The following CNN3 variants were observed in gnomAD, a reference collection of about 807,000 sequenced individuals.
CNN3 encodes calponin-3.
CNN3 carries 11 observed loss-of-function variants against 39.0 expected under a neutral mutation model. The observed-to-expected ratio is 0.28, with a 90% CI of 0.18 to 0.47. The LOEUF (loss-of-function observed/expected upper bound fraction) is 0.47. Ranked by LOEUF, CNN3 falls within the 20% of genes least tolerant of loss-of-function variation. CNN3 has a pLI of 0.99. For synonymous variants in CNN3, 101 were observed against 138.3 expected (o/e 0.73, Z 1.89); for missense variants, 266 against 403.4 (o/e 0.66, Z 2.92).
At chr1:94,898,320 A>G (rs1034213808) in intron 6 of CNN3, among the ~76,000 whole-genome samples, 2 of 152,146 alleles carry the variant, frequency 1.3e-5, no homozygotes, top group African/African-American at 4.8e-5. Context: ...TCTGCTATAA[A>G]ATTACTATGT....
chr1:94,899,298 C>A, intron 6 of CNN3, 73 bp downstream of exon 6: 1 of 1,450,678 alleles, frequency 6.9e-7, no homozygotes, highest in Non-Finnish European at 9.2e-7. Context: ...ACAAAAAATA[C>A]CTACTTTAAA....
Position 94,898,010 on chromosome 1 carries a change from G to C in CNN3, c.722C>G (p.Ser241Trp), listed in dbSNP as rs768694788. ...QKLTLQPVDN[S>W]TISLQMGTNK... The stretch of plus-strand genomic sequence containing the variant: ...GGTACCCATCTGTAGGGAAATTGTC[G>C]AGTTGTCCACCGGCTGTAATGTTAG... Residue 241 changes from serine to tryptophan, a missense_variant, in exon 7 of 7, where the codon TCG (serine) becomes TGG (tryptophan). Ser to Trp is a radical substitution (Grantham distance 177). Coordinates refer to ENST00000370206, the MANE Select transcript of CNN3 (RefSeq NM_001839.5). 3 of 1,614,032 alleles carry C rather than the reference G, an allele frequency of 1.9e-6. No individual in the cohort carries two copies. The highest frequency in any genetic ancestry group is 2.5e-6 in the Non-Finnish European group (3 of 1,179,982).
At chr1:94,912,840 A>G (rs1222503975) in intron 1 of CNN3, among the ~76,000 whole-genome samples, 1 of 152,216 alleles carries the variant, frequency 6.6e-6, no homozygotes, top group African/African-American at 2.4e-5. Flanking sequence ...TAATTGCATT[A>G]CTTTCTCATA....
Position 94,902,196 on chromosome 1 carries a change from T to A in CNN3, c.309A>T (p.Ile103=), listed in dbSNP as rs1290941392. The change falls in exon 4 of 7, where the codon ATA becomes ATT. Residue 103 remains isoleucine, a synonymous_variant. Transcript: ENST00000370206. ...IQAYGMKPHD[I]FEANDLFENG... ...TCTCAAAAAGATCATTTGCTTCGAA[T>A]ATGTCATGTGGCTTCATACCATAAG... 16 of 1,613,508 alleles carry A rather than the reference T, an allele frequency of 9.9e-6. No individual in the cohort carries two copies. Among genetic ancestry groups the A allele is most frequent in the Admixed American group, 1.7e-5 (1 of 60,026 alleles).
intron 1 of CNN3, among the ~76,000 whole-genome samples, chr1:94,918,579 A>AGCGCATT (rs1230013646): frequency 6.6e-6 from 1 of 151,602 alleles, no homozygotes; most frequent in Admixed American, 6.6e-5. Flanking sequence ...TTAGTTCCAA[A>AGCGCATT]GCGCATTGCC....
rs538971645 is a variant in CNN3 at position 94,910,400 on chromosome 1, T to A, written c.58-6876A>T. On this transcript the variant is annotated intron_variant, in intron 1 of 6. Transcript: ENST00000370206. Reference sequence around the variant, plus strand: ...ACAAAAATATATATAAAATAGGGTGTTTAAAATAAAGAGAGAACAATGGGG... The same window carrying A: ...ACAAAAATATATATAAAATAGGGTGATTAAAATAAAGAGAGAACAATGGGG... 4.6e-5 allele frequency among the ~76,000 whole-genome samples: 7 copies of A among 152,194 alleles called. No individual in the cohort carries two copies. The East Asian group carries it at 1.4e-3, about 29-fold the overall frequency.
chr1:94,901,875 C>A, intron 4 of CNN3, 90 bp from the exon 5 acceptor site: 1 of 891,750 alleles, frequency 1.1e-6, no homozygotes, highest in Non-Finnish European at 1.8e-6. Flanking sequence ...GACAAAGGGG[C>A]CCAAACTAGA....
chr1:94,917,531 C>T (rs1413925484), intron 1 of CNN3, among the ~76,000 whole-genome samples: 1 of 152,108 alleles, frequency 6.6e-6, no homozygotes, highest in Non-Finnish European at 1.5e-5. Context: ...TCAAAAGATC[C>T]TCCTCCTCTT....
chr1:94,925,522 C>A (rs1671552241), intron 1 of CNN3: 1 of 820,088 alleles, frequency 1.2e-6, no homozygotes, highest in Non-Finnish European at 1.5e-6. Context: ...ACTTTAGATA[C>A]ATAGACTAAA....
chr1:94,918,685 G>C (rs1277383621), intron 1 of CNN3, among the ~76,000 whole-genome samples: 1 of 151,856 alleles, frequency 6.6e-6, no homozygotes, highest in Non-Finnish European at 1.5e-5. Context: ...CTTAAGGTCA[G>C]GAGTTCAAAA....
intron 1 of CNN3, chr1:94,925,730 G>T: frequency 4.1e-6 from 4 of 985,434 alleles, no homozygotes; most frequent in Non-Finnish European, 4.8e-6. Flanking sequence ...CGGACGGTGC[G>T]GTGGCAATCC....
At chr1:94,900,038 C>T (rs1670821393) in intron 5 of CNN3, among the ~76,000 whole-genome samples, 1 of 152,114 alleles carries the variant, frequency 6.6e-6, no homozygotes, top group South Asian at 2.1e-4. Context: ...ACTCCCATGT[C>T]CTTGGACAGA....
chr1:94,897,879 T>G lies in CNN3; in HGVS notation c.853A>C (p.Ser285Arg). The change falls in exon 7 of 7, where the codon AGC becomes CGC. Residue 285 changes from serine (S) to arginine (R), a missense_variant. Transcript: ENST00000370206. ...APTEPVIHNG[S>R]QGTGTNGSEI... ...GAACCATTTGTTCCTGTTCCTTGGC[T>G]TCCGTTGTGAATGACAGGTTCTGTA... 1.2e-6 allele frequency: 2 copies of G among 1,614,188 alleles called. No individual in the cohort carries two copies. The highest frequency in any genetic ancestry group is 1.7e-6 in the Non-Finnish European group (2 of 1,180,012).
intron 1 of CNN3, among the ~76,000 whole-genome samples, chr1:94,920,661 GA>G (rs1671419889): frequency 6.6e-6 from 1 of 152,130 alleles, no homozygotes; most frequent in South Asian, 2.1e-4. Context: ...TTCACAGTAA[GA>G]TGCAGAACCA....
Position 94,926,774 on chromosome 1 carries a change from GC to G in CNN3, c.57+63del. On this transcript the variant is annotated intron_variant, in intron 1 of 6. Coordinates refer to ENST00000370206, the MANE Select transcript of CNN3 (RefSeq NM_001839.5). The surrounding 1 kb of genome is among the most constrained non-coding windows in gnomAD (Gnocchi z 4.2). ...CAGCGCGAAGAGCAAACGAAGCACG[GC>G]CCAGCGCCAGGCCAGCCCAAGGGTG... 3 of 1,535,274 alleles carry G rather than the reference GC, an allele frequency of 2.0e-6. No homozygotes were observed. Among genetic ancestry groups the G allele is most frequent in the Non-Finnish European group, 2.7e-6 (3 of 1,122,716 alleles).
intron 1 of CNN3, among the ~76,000 whole-genome samples, chr1:94,924,801 G>A (rs1288656595): frequency 6.6e-6 from 1 of 152,200 alleles, no homozygotes; most frequent in Non-Finnish European, 1.5e-5. Context: ...TGTAAATGAT[G>A]TTGGATAATC....
At chr1:94,912,440 T>C (rs1429420556) in intron 1 of CNN3, among the ~76,000 whole-genome samples, 1 of 152,166 alleles carries the variant, frequency 6.6e-6, no homozygotes, top group African/African-American at 2.4e-5. Context: ...CAAGGATCTA[T>C]TACTGGCTGA....
intron 6 of CNN3, 33 bp downstream of exon 6, chr1:94,899,338 A>C: frequency 1.9e-6 from 3 of 1,588,504 alleles, no homozygotes; most frequent in Non-Finnish European, 2.6e-6. Flanking sequence ...AGGTAAGTGT[A>C]CTCTTGTACA....
chr1:94,918,391 G>A lies in CNN3; in HGVS notation c.57+8447C>T, dbSNP rs974337773. On this transcript the variant is annotated intron_variant, in intron 1 of 6. Transcript: ENST00000370206. ...GGCCTGTAGTCCCAGCTATTCAGGA[G>A]GCTGAGGCAGGAGAATCACTCGAAC... Among the ~76,000 whole-genome samples the A allele has an allele frequency of 2.0e-5, 3 of 151,644 alleles. 1 individual carries two copies. The highest frequency in any genetic ancestry group is 7.3e-5 in the African/African-American group (3 of 41,264).
Sources: allele counts gnomAD v4.1 joint callset (sites outside exome capture counted in the v4.1 genomes callset), GRCh38; gene constraint gnomAD v4.1.1; non-coding constraint Gnocchi (gnomAD v3.1); transcripts MANE v1.5; gene names NCBI Gene and HGNC (gene_info 2026-07-23, HGNC 2026-07-21).